NUCB2: variants seen among roughly 807,000 people sequenced by gnomAD.
The protein encoded by NUCB2 is nucleobindin-2.
In NUCB2, 48 loss-of-function variants were observed where a neutral mutation model predicts 57.9. The ratio of observed to expected loss-of-function variants is 0.83; its 90% CI spans 0.66 to 1.05. NUCB2 has a LOEUF of 1.05. Among genes scored for constraint, NUCB2 ranks in the 50% least tolerant of loss-of-function variants. The pLI, the probability that NUCB2 is intolerant of heterozygous loss-of-function variation, is 0.00. For missense variants in NUCB2, 442 were observed against 476.2 expected (o/e 0.93, Z 0.67); for synonymous variants, 139 against 152.1 (o/e 0.91, Z 0.64).
chr11:17,303,857 C>T, intron 5 of NUCB2, among the ~76,000 whole-genome samples: 1 of 149,816 alleles, frequency 6.7e-6, no homozygotes, highest in African/African-American at 2.5e-5. Context: ...CTCACTCCAG[C>T]CTGGGCGACA....
chr11:17,315,454 C>G lies in NUCB2; in HGVS notation c.981C>G (p.Phe327Leu), dbSNP rs781698653. ...EFLKATEKKE[F>L]LEPDSWETLD... is the part of the protein sequence containing the mutation. ...TGAAAGCCACAGAAAAAAAAGAATT[C>G]TTGGAGCCAGATAGCTGGGAGGTAA... Residue 327 changes from phenylalanine to leucine, a missense_variant, in exon 11 of 14, where the codon TTC becomes TTG. Phe to Leu is a conservative substitution (Grantham distance 22). Transcript: ENST00000529010. The G allele has an allele frequency of 1.9e-6, 3 of 1,609,754 alleles. No homozygotes were observed. Among genetic ancestry groups the G allele is most frequent in the East Asian group, 4.5e-5 (2 of 44,714 alleles).
At position 17,295,378 on chromosome 11, in the gene NUCB2, C is replaced by T. The variant is rs772585488; in HGVS notation, c.55C>T (p.Leu19Phe). 6.2e-6 allele frequency: 10 copies of T among 1,613,002 alleles called. No individual in the cohort carries two copies. Among genetic ancestry groups the T allele is most frequent in the Non-Finnish European group, 1.7e-6 (2 of 1,179,400 alleles). Reference sequence around the variant, plus strand: ...TTGCTTTCTCTTGATTACATGTTTACTTACTGCTCTTGAAGCTGTGCCTAT... The same window carrying T: ...TTGCTTTCTCTTGATTACATGTTTATTTACTGCTCTTGAAGCTGTGCCTAT... ...QYCFLLITCL[L>F]TALEAVPIDI... The change falls in exon 3 of 14, where the codon CTT becomes TTT. Residue 19 changes from leucine to phenylalanine, a missense_variant. Leu to Phe is a conservative substitution (Grantham distance 22, BLOSUM62 0). Transcript: ENST00000529010.
rs1591598899 is a variant in NUCB2 at position 17,332,157 on chromosome 11, C to T, written c.*738C>T. 1 of 152,146 alleles carries T rather than the reference C, an allele frequency of 6.6e-6. No individual in the cohort carries two copies. The highest frequency in any genetic ancestry group is 1.9e-4 in the East Asian group (1 of 5,168). The allele number at this position is 152,146 out of a possible 1,614,324, so 9.4% of individuals were successfully genotyped here. On this transcript the variant is annotated 3_prime_UTR_variant, in exon 14 of 14. Coordinates refer to ENST00000529010, the MANE Select transcript of NUCB2 (RefSeq NM_005013.4). ...TCTTTCTGCTCTGCTATCCTCAGTG[C>T]ATGATTTTTATCCTCAGATTACCTC...
At chr11:17,342,056 C>T (rs1022812949) in intron 2 of NUCB2, among the ~76,000 whole-genome samples, 1 of 151,954 alleles carries the variant, frequency 6.6e-6, no homozygotes, top group African/African-American at 2.4e-5. Flanking sequence ...AGGGTGTATG[C>T]GTTGAGGAAT....
At chr11:17,309,700 G>T (rs1241598377) in intron 6 of NUCB2, 25 bp downstream of exon 6, 6 of 1,432,750 alleles carry the variant, frequency 4.2e-6, no homozygotes, top group Non-Finnish European at 5.8e-6. Flanking sequence ...AAAAAGTTTT[G>T]TCTTTATTGT....
chr11:17,318,355 A>G (rs974930910), intron 11 of NUCB2, among the ~76,000 whole-genome samples: 1 of 152,142 alleles, frequency 6.6e-6, no homozygotes, highest in Non-Finnish European at 1.5e-5. Flanking sequence ...TCAATATCAT[A>G]TCAAAAGTAT....
intron 2 of NUCB2, among the ~76,000 whole-genome samples, chr11:17,348,325 T>TGG (rs1952927651): frequency 2.7e-5 from 1 of 37,668 alleles, no homozygotes; most frequent in Admixed American, 2.8e-4. Flanking sequence ...TTGTGTTTTT[T>TGG]TTTTTTTTTT....
chr11:17,294,859 C>T (rs1307842720), intron 2 of NUCB2, among the ~76,000 whole-genome samples: 1 of 151,892 alleles, frequency 6.6e-6, no homozygotes, highest in Non-Finnish European at 1.5e-5. Context: ...ACCAGCCTGA[C>T]CAAAAGAGAG....
intron 1 of NUCB2, among the ~76,000 whole-genome samples, chr11:17,282,238 A>ATC (rs35737787): frequency 0.22 from 25,516 of 114,270 alleles, 3,538 homozygotes; most frequent in Non-Finnish European, 0.29. Context: ...CTATCTATCT[A>ATC]TATATATATA....
chr11:17,329,270 C>T (rs573350486), intron 11 of NUCB2, among the ~76,000 whole-genome samples: 12 of 152,302 alleles, frequency 7.9e-5, no homozygotes, highest in East Asian at 1.9e-4. Context: ...GTAGCACAAG[C>T]GTTCCCTTAG....
chr11:17,278,093 G>A (rs879555091), intron 1 of NUCB2, among the ~76,000 whole-genome samples: 32 of 149,058 alleles, frequency 2.1e-4, no homozygotes, highest in Admixed American at 1.4e-3. Context: ...GACAATTTTA[G>A]AAACTTAAAG....
At chr11:17,338,706 C>T (rs1404990245) in intron 2 of NUCB2, among the ~76,000 whole-genome samples, 3 of 152,102 alleles carry the variant, frequency 2.0e-5, no homozygotes, top group East Asian at 1.9e-4. Context: ...CCCTGTCACT[C>T]AGGCTGGAGT....
chr11:17,282,769 T>A lies in NUCB2; in HGVS notation c.-155-20T>A, dbSNP rs1942977797. 6.6e-6 allele frequency: 1 copy of A among 152,172 alleles called. No homozygotes were observed. The allele number at this position is 152,172 out of a possible 1,614,324, so 9.4% of individuals were successfully genotyped here. A position where few individuals can be genotyped will look rare whatever the true frequency, so the allele number is the denominator to read the frequency against. ...TTTTGTGTCTTTTATTTATTTATTT[T>A]TATTTTTTTTTACATTTAGAACGTG... is the stretch of plus-strand genomic sequence containing the variant. On this transcript the variant is annotated intron_variant, in intron 1 of 13. Coordinates refer to ENST00000529010, the MANE Select transcript of NUCB2 (RefSeq NM_005013.4).
intron 2 of NUCB2, chr11:17,291,205 A>G (rs184344153): frequency 1.3e-5 from 2 of 152,216 alleles, no homozygotes; most frequent in East Asian, 1.9e-4. Flanking sequence ...TGTATTTACT[A>G]TTAATCAGTT....
chr11:17,288,958 TATATA>T lies in NUCB2; in HGVS notation c.-1+6016_-1+6020del, dbSNP rs1168803415. On this transcript the variant is annotated intron_variant, in intron 2 of 13. Coordinates refer to ENST00000529010, the MANE Select transcript of NUCB2 (RefSeq NM_005013.4). ...ACACACACACACACACACATATATA[TATATA>T]TTTTTTTTTTTTGAGATGGAGTTTT... Among the ~76,000 whole-genome samples, 317 of 80,682 alleles carry T rather than the reference TATATA, an allele frequency of 3.9e-3. 46 individuals carry two copies. Among genetic ancestry groups the T allele is most frequent in the African/African-American group, 5.1e-3 (69 of 13,522 alleles). 52.9% of individuals were successfully genotyped at this position (80,682 alleles called of 152,430 possible).
At chr11:17,339,526 C>T (rs1236332460) in intron 2 of NUCB2, among the ~76,000 whole-genome samples, 5 of 139,382 alleles carry the variant, frequency 3.6e-5, no homozygotes, top group Non-Finnish European at 6.2e-5. Context: ...CAACAGGCCC[C>T]GGTGTGTGAT....
In NUCB2 at chr11:17,298,648, A is replaced by T. The variant is rs1946225288; in HGVS notation, c.252+2437A>T. Among the ~76,000 whole-genome samples the T allele has an allele frequency of 2.0e-5, 3 of 151,576 alleles. No homozygotes were observed. The South Asian group carries it at 6.2e-4, about 31-fold the overall frequency. ...AATCATCACAAATAGCCAAGCAAAG[A>T]CTTCTGTTTCATAAAAAACTGACAA... is the stretch of plus-strand genomic sequence containing the variant. On this transcript the variant is annotated intron_variant, in intron 4 of 13. Coordinates refer to ENST00000529010, the MANE Select transcript of NUCB2 (RefSeq NM_005013.4).
exon 3 of NUCB2, chr11:17,349,624 G>C (rs1377973106): frequency 6.6e-6 from 1 of 152,194 alleles, no homozygotes; most frequent in East Asian, 1.9e-4. Flanking sequence ...GCCACATTTA[G>C]TTCCAGAATG....
chr11:17,320,884 C>T (rs186503934), intron 11 of NUCB2, among the ~76,000 whole-genome samples: 5 of 152,250 alleles, frequency 3.3e-5, no homozygotes, highest in African/African-American at 1.2e-4. Context: ...AACATTAACA[C>T]ATTTCCAGAA....
Sources: gnomAD v4.1 joint callset for allele counts (sites outside exome capture counted in the v4.1 genomes callset) on GRCh38, gnomAD v4.1.1 for gene constraint, MANE v1.5 for transcripts, NCBI Gene and HGNC (gene_info 2026-07-23, HGNC 2026-07-21) for gene names.